FBN2: variants seen among roughly 807,000 people sequenced by gnomAD.
FBN2 encodes fibrillin-2.
In FBN2, 105 loss-of-function variants were observed where a neutral mutation model predicts 355.6. The ratio of observed to expected loss-of-function variants is 0.30; its 90% CI spans 0.25 to 0.35. The LOEUF (loss-of-function observed/expected upper bound fraction) is 0.35, where lower values mean the gene tolerates loss of function less well. Among genes scored for constraint, FBN2 ranks in the 10% least tolerant of loss-of-function variants. The pLI is 1.00. For synonymous variants in FBN2, 1,350 were observed against 1,301.2 expected, an observed-to-expected ratio of 1.04 and a Z score of -0.81; for missense variants, 3,280 against 3,758.7, an observed-to-expected ratio of 0.87 and a Z score of 3.33.
Position 128,417,841 on chromosome 5 carries a change from A to G in FBN2, c.953-9042T>C, listed in dbSNP as rs545743483. The stretch of plus-strand genomic sequence containing the variant: ...TTGTTTTGTCCTTGTCTGGTTTTGT[A>G]GAATGCATTAAGGACAGTACTTTCC... On this transcript the variant is annotated intron_variant, in intron 7 of 64. Coordinates refer to ENST00000262464, the MANE Select transcript of FBN2 (RefSeq NM_001999.4). Among the ~76,000 whole-genome samples the G allele has an allele frequency of 2.0e-5, 3 of 152,014 alleles. No homozygotes were observed. The South Asian group carries it at 6.2e-4, about 32-fold the overall frequency.
intron 7 of FBN2, among the ~76,000 whole-genome samples, chr5:128,441,039 C>T (rs185499456): frequency 3.3e-4 from 50 of 152,058 alleles, no homozygotes; most frequent in Admixed American, 1.4e-3. Flanking sequence ...CAATCCCTGA[C>T]GATACAAATA....
chr5:128,297,242 G>T (rs1416259495), intron 48 of FBN2, among the ~76,000 whole-genome samples: 1 of 152,154 alleles, frequency 6.6e-6, no homozygotes, highest in Non-Finnish European at 1.5e-5. Context: ...TTTCTGAGGA[G>T]AGCTTTACTT....
At chr5:128,318,044 GTTT>G (rs1750258825) in intron 36 of FBN2, 102 bp downstream of exon 36, 2 of 1,218,212 alleles carry the variant, frequency 1.6e-6, no homozygotes, top group East Asian at 2.4e-5. Context: ...ATAATGTTTT[GTTT>G]TTAAGTTAAC....
At chr5:128,460,504 A>C (rs1754529807) in intron 6 of FBN2, among the ~76,000 whole-genome samples, 1 of 152,170 alleles carries the variant, frequency 6.6e-6, no homozygotes. Flanking sequence ...AGAAAAAAAA[A>C]CATTTTAAAT....
chr5:128,305,653 T>C lies in FBN2; in HGVS notation c.5549-17A>G, dbSNP rs975081394. ...CATCTATATCTGAAAGAGCAACAAT[T>C]CCATTTTAAAGAGTCCTTTTTAGTA... On this transcript the variant is annotated splice_polypyrimidine_tract_variant and intron_variant, in intron 43 of 64. Coordinates refer to ENST00000262464, the MANE Select transcript of FBN2 (RefSeq NM_001999.4). The C allele has an allele frequency of 6.2e-7, 1 of 1,613,810 alleles. No individual in the cohort carries two copies. Among genetic ancestry groups the C allele is most frequent in the East Asian group, 2.2e-5 (1 of 44,870 alleles).
At chr5:128,369,626 T>C (rs1561422356) in intron 15 of FBN2, among the ~76,000 whole-genome samples, 1 of 152,224 alleles carries the variant, frequency 6.6e-6, no homozygotes, top group Non-Finnish European at 1.5e-5. Context: ...AAACCTAGGA[T>C]ATTTCCACAG....
chr5:128,408,924 A>AACAAGAGTATCTTCAGG, intron 7 of FBN2, 125 bp from the exon 8 acceptor site: 3 of 1,035,706 alleles, frequency 2.9e-6, no homozygotes, highest in Non-Finnish European at 3.0e-6. Context: ...ATAACCCTGA[A>AACAAGAGTATCTTCAGG]GATACTCTTG....
At position 128,454,593 on chromosome 5, in the gene FBN2, A is replaced by C. The variant is rs553856946; in HGVS notation, c.827-7987T>G. Among the ~76,000 whole-genome samples, 4 of 152,326 alleles carry C rather than the reference A, an allele frequency of 2.6e-5. No homozygotes were observed. In the East Asian group the frequency reaches 7.7e-4, roughly 29 times the overall value. ...ACTCAGGGCGTCTTCTGCTCATTCA[A>C]CAATTGAGGAGCTAGCAACATCTGC... On this transcript the variant is annotated intron_variant, in intron 6 of 64. Transcript: ENST00000262464.
intron 15 of FBN2, among the ~76,000 whole-genome samples, chr5:128,374,165 G>A (rs989407384): frequency 2.0e-5 from 3 of 151,920 alleles, no homozygotes; most frequent in Admixed American, 1.3e-4. Flanking sequence ...GGTTCTGAAG[G>A]GGGCTATCTG....
Position 128,301,528 on chromosome 5 carries a change from T to A in FBN2, c.5918-18A>T. On this transcript the variant is annotated intron_variant, in intron 46 of 64. Coordinates refer to ENST00000262464, the MANE Select transcript of FBN2 (RefSeq NM_001999.4). ...ATCTATGTCTGTAAGCAAACAGGAG[T>A]ATGTTTTTCAGAAAGAGCTCTTAAC... 4 of 1,611,684 alleles carry A rather than the reference T, an allele frequency of 2.5e-6. No individual in the cohort carries two copies. The highest frequency in any genetic ancestry group is 3.4e-6 in the Non-Finnish European group (4 of 1,179,130).
chr5:128,369,779 T>C (rs761700395), intron 15 of FBN2, among the ~76,000 whole-genome samples: 1 of 152,216 alleles, frequency 6.6e-6, no homozygotes, highest in African/African-American at 2.4e-5. Flanking sequence ...GGGCGTGAGA[T>C]TTCTTACTCC....
intron 19 of FBN2, among the ~76,000 whole-genome samples, chr5:128,361,169 T>G (rs1201201466): frequency 6.6e-6 from 1 of 152,222 alleles, no homozygotes; most frequent in Admixed American, 6.5e-5. Context: ...TTTTAAACAC[T>G]AGTTATGGTC....
chr5:128,349,188 T>C (rs1751277019), intron 23 of FBN2, among the ~76,000 whole-genome samples, 159 bp downstream of exon 23: 1 of 152,210 alleles, frequency 6.6e-6, no homozygotes. Context: ...CATAAATACA[T>C]TCACTTTTAA....
In FBN2 at chr5:128,417,482, G is replaced by C. The variant is rs1321706911; in HGVS notation, c.953-8683C>G. Among the ~76,000 whole-genome samples, 3 of 152,166 alleles carry C rather than the reference G, an allele frequency of 2.0e-5. No individual in the cohort carries two copies. The East Asian group carries it at 5.8e-4, about 29-fold the overall frequency. On this transcript the variant is annotated intron_variant, in intron 7 of 64. Coordinates refer to ENST00000262464, the MANE Select transcript of FBN2 (RefSeq NM_001999.4). ...CCCCATTCAGTATGGTGTCAGCTGTGAGTGTGTCATACATGGCATTTTTAA... is the reference window on the plus strand; with the variant it reads ...CCCCATTCAGTATGGTGTCAGCTGTCAGTGTGTCATACATGGCATTTTTAA...
chr5:128,263,929 T>A (rs985079387), intron 62 of FBN2, among the ~76,000 whole-genome samples: 2 of 152,202 alleles, frequency 1.3e-5, no homozygotes, highest in East Asian at 1.9e-4. Context: ...GTTTGCCTAG[T>A]GAATAACTCT....
intron 3 of FBN2, among the ~76,000 whole-genome samples, chr5:128,528,872 T>G (rs1003659374): frequency 2.0e-5 from 3 of 152,180 alleles, no homozygotes; most frequent in African/African-American, 7.2e-5. Flanking sequence ...AGGATGAGGA[T>G]AGCTTACACC....
chr5:128,396,236 C>T (rs895939633), intron 8 of FBN2, among the ~76,000 whole-genome samples: 1 of 151,978 alleles, frequency 6.6e-6, no homozygotes, highest in African/African-American at 2.4e-5. Flanking sequence ...AGGGAAGAAA[C>T]GGGATTAGAG....
At chr5:128,332,851 G>T in intron 32 of FBN2, 61 bp downstream of exon 32, 1 of 1,520,624 alleles carries the variant, frequency 6.6e-7, no homozygotes, top group South Asian at 1.1e-5. Context: ...CTACAACCAT[G>T]CAAAAAAGAG....
At chr5:128,286,024 T>C (rs181958295) in intron 55 of FBN2, among the ~76,000 whole-genome samples, 193 of 152,328 alleles carry the variant, frequency 1.3e-3, no homozygotes, top group Admixed American at 2.2e-3. Flanking sequence ...ACATGGTTAT[T>C]AGCATTTTGC....
Sources: allele counts gnomAD v4.1 joint callset (sites outside exome capture counted in the v4.1 genomes callset), GRCh38; gene constraint gnomAD v4.1.1; transcripts MANE v1.5; gene names NCBI Gene and HGNC (gene_info 2026-07-23, HGNC 2026-07-21).